ADAR: variants seen among roughly 807,000 people sequenced by gnomAD.
ADAR encodes double-stranded RNA-specific adenosine deaminase.
In ADAR, 41 loss-of-function variants were observed where a neutral mutation model predicts 113.2. The ratio of observed to expected loss-of-function variants is 0.36; its 90% CI spans 0.28 to 0.47. The LOEUF (loss-of-function observed/expected upper bound fraction) is 0.47, where lower values mean the gene tolerates loss of function less well. Ranked by LOEUF, ADAR falls within the 20% of genes least tolerant of loss-of-function variation. ADAR has a pLI of 1.00. For synonymous variants in ADAR, 605 were observed against 572.6 expected (o/e 1.06, Z -0.81); for missense variants, 1,242 against 1,540.9 (o/e 0.81, Z 3.25).
At chr1:154,592,104 G>C (rs1367152227) in intron 6 of ADAR, among the ~76,000 whole-genome samples, 1 of 152,152 alleles carries the variant, frequency 6.6e-6, no homozygotes, top group Non-Finnish European at 1.5e-5. Context: ...TATCCAATAT[G>C]GTAGCCACTA....
rs1046867712 is a variant in ADAR, at chr1:154,582,451, C to T, written c.*2355G>A. 2 of 132,952 alleles carry T rather than the reference C, an allele frequency of 1.5e-5. No homozygotes were observed. Among genetic ancestry groups the T allele is most frequent in the African/African-American group, 5.5e-5 (2 of 36,462 alleles). 8.2% of individuals were successfully genotyped at this position (132,952 alleles called of 1,614,324 possible). A position where few individuals can be genotyped will look rare whatever the true frequency, so the allele number is the denominator to read the frequency against. On this transcript the variant is annotated 3_prime_UTR_variant, in exon 15 of 15. Transcript: ENST00000368474. The stretch of plus-strand genomic sequence containing the variant: ...AAGATAACAGTGGGCAGAAGCTCTG[C>T]CTCCTCTGTCCTGTGTGACTCAGAG...
chr1:154,616,672 A>G (rs1007252925), intron 1 of ADAR, among the ~76,000 whole-genome samples: 1 of 152,056 alleles, frequency 6.6e-6, no homozygotes, highest in African/African-American at 2.4e-5. Context: ...CTCTTACTAC[A>G]AGTTCCAAGA....
chr1:154,616,889 C>T (rs922761640), intron 1 of ADAR, among the ~76,000 whole-genome samples: 8 of 152,212 alleles, frequency 5.3e-5, no homozygotes, highest in Non-Finnish European at 1.2e-4. Flanking sequence ...GTCTTCCTGA[C>T]CTGGCCCACT....
intron 7 of ADAR, 36 bp downstream of exon 7, chr1:154,590,148 C>CA (rs768431680): frequency 2.6e-5 from 24 of 909,958 alleles, no homozygotes; most frequent in Non-Finnish European, 3.8e-5. Flanking sequence ...AGGACCCCCC[C>CA]GCCCCAAAAA....
Position 154,601,621 on chromosome 1 carries a change from C to T in ADAR, c.1021G>A (p.Gly341Arg). Reference sequence around the variant, plus strand: ...GTTGTCCCTTGTCTATAGACATCCCCCTGCCTTTCCATGTCAATTAGCACA... The same window carrying T: ...GTTGTCCCTTGTCTATAGACATCCCTCTGCCTTTCCATGTCAATTAGCACA... ...NAVLIDMERQGDVYRQGTTPP... is the reference protein window; with the variant it reads ...NAVLIDMERQRDVYRQGTTPP... The change falls in exon 2 of 15, where the codon GGG becomes AGG. Residue 341 changes from glycine (G) to arginine (R), a missense_variant. This residue lies in a region of ADAR where 462 missense variants were observed against 483.1 expected (regional missense o/e 0.96). Transcript: ENST00000368474. The surrounding 1 kb of genome is among the most constrained non-coding windows in gnomAD (Gnocchi z 4.7). 2 of 1,613,432 alleles carry T rather than the reference C, an allele frequency of 1.2e-6. No homozygotes were observed. Among genetic ancestry groups the T allele is most frequent in the African/African-American group, 1.3e-5 (1 of 75,062 alleles).
rs1331500140 is a variant in ADAR, at chr1:154,602,235, T to G, written c.407A>C (p.Tyr136Ser). 6.2e-7 allele frequency: 1 copy of G among 1,614,098 alleles called. No individual in the cohort carries two copies. The highest frequency in any genetic ancestry group is 8.5e-7 in the Non-Finnish European group (1 of 1,180,046). ...TAAGATCCTTTGTTCCTGATCTTGG[T>G]AGATACTCAGTTCCTGGAAATGTGA... Reference protein sequence around the residue: ...LSSHFQELSIYQDQEQRILKF... With the variant: ...LSSHFQELSISQDQEQRILKF... The change falls in exon 2 of 15, where the codon TAC becomes TCC. Residue 136 changes from tyrosine (Y) to serine (S), a missense_variant. Tyr to Ser is a moderately radical substitution (Grantham distance 144, BLOSUM62 -2). Around this residue, in one of 2 missense-constraint regions of ADAR, gnomAD observed 462 missense variants for 483.1 expected, o/e 0.96. Coordinates refer to ENST00000368474, the MANE Select transcript of ADAR (RefSeq NM_001111.5).
chr1:154,589,559 G>T, intron 8 of ADAR, 97 bp from the exon 9 acceptor site: 1 of 1,276,682 alleles, frequency 7.8e-7, no homozygotes, highest in Non-Finnish European at 1.1e-6. Flanking sequence ...GGCAGAAACA[G>T]CCTCAGTTTC....
chr1:154,604,258 G>C (rs1410616500), intron 1 of ADAR, among the ~76,000 whole-genome samples: 3 of 152,220 alleles, frequency 2.0e-5, no homozygotes, highest in Non-Finnish European at 4.4e-5. Flanking sequence ...GCTCTTTTCT[G>C]ATGGTGACTT....
rs567807827 is a variant in ADAR, at chr1:154,608,054, T to C, written c.-48A>G. 169 of 1,546,388 alleles carry C rather than the reference T, an allele frequency of 1.1e-4. 1 individual carries two copies. The highest frequency in any genetic ancestry group is 2.5e-4 in the South Asian group (21 of 83,966). On this transcript the variant is annotated 5_prime_UTR_variant, in exon 1 of 15. Coordinates refer to ENST00000368474, the MANE Select transcript of ADAR (RefSeq NM_001111.5). Reference sequence around the variant, plus strand: ...GCCCGACCCGCCGGCGGCACGACCCTGGCCCGACCGCTGGGCCGCGCCAGC... The same window carrying C: ...GCCCGACCCGCCGGCGGCACGACCCCGGCCCGACCGCTGGGCCGCGCCAGC...
chr1:154,601,519 T>C lies in ADAR; in HGVS notation c.1123A>G (p.Thr375Ala). ...IKRNTNSVPE[T>A]APAAIPETKR... ...GTCTCAGGGATTGCAGCTGGAGCGG[T>C]TTCAGGAACACTGTTCGTATTTCTC... Residue 375 changes from threonine to alanine, a missense_variant, in exon 2 of 15, where the codon ACC (threonine) becomes GCC (alanine). By Grantham distance (58) the Thr-to-Ala change is moderately conservative. Coordinates refer to ENST00000368474, the MANE Select transcript of ADAR (RefSeq NM_001111.5). This position sits in a 1 kb window ranked among gnomAD's most constrained non-coding sequence, Gnocchi z 4.7. The C allele has an allele frequency of 1.2e-6, 2 of 1,613,798 alleles. No homozygotes were observed. Among genetic ancestry groups the C allele is most frequent in the Non-Finnish European group, 1.7e-6 (2 of 1,180,016 alleles).
intron 1 of ADAR, chr1:154,627,847 G>A (rs746645345): frequency 1.7e-5 from 9 of 517,380 alleles, no homozygotes; most frequent in South Asian, 2.8e-5. Flanking sequence ...AAGGACAGAG[G>A]CTCTTACCGG....
Position 154,602,034 on chromosome 1 carries a change from G to A in ADAR, c.608C>T (p.Ala203Val). The A allele has an allele frequency of 6.2e-7, 1 of 1,614,244 alleles. No homozygotes were observed. Among genetic ancestry groups the A allele is most frequent in the Non-Finnish European group, 8.5e-7 (1 of 1,180,042 alleles). The part of the protein sequence containing the change: ...PLWKIAVSTQ[A>V]WNQHSGVVRP... ...TACCACTCCGCTGTGCTGGTTCCAA[G>A]CCTGAGTGGAGACCGCGATTTTCCA... The change falls in exon 2 of 15, where the codon GCT becomes GTT. Residue 203 changes from alanine (A) to valine (V), a missense_variant. This residue lies in a region of ADAR where 462 missense variants were observed against 483.1 expected (regional missense o/e 0.96). Coordinates refer to ENST00000368474, the MANE Select transcript of ADAR (RefSeq NM_001111.5).
rs147968983 is a variant in ADAR at position 154,605,738 on chromosome 1, C to T, written c.15+2254G>A. 1.6e-3 allele frequency among the ~76,000 whole-genome samples: 247 copies of T among 152,284 alleles called. 5 individuals are homozygous for T. The East Asian group carries it at 0.042, about 26-fold the overall frequency. The stretch of plus-strand genomic sequence containing the variant: ...TCTTGTTCCTCTTGCTGCACCCTCA[C>T]GCCCACCATATTGCTAGGGACAGAG... On this transcript the variant is annotated intron_variant, in intron 1 of 14. Transcript: ENST00000368474.
chr1:154,585,207 G>A lies in ADAR; in HGVS notation c.3443+10C>T, dbSNP rs531922411. ...GGCTTGGTCCTCACTGCGCTCTCCT[G>A]TCTCCTTACCCATCCACAGTGCCTC... On this transcript the variant is annotated intron_variant, in intron 14 of 14. Coordinates refer to ENST00000368474, the MANE Select transcript of ADAR (RefSeq NM_001111.5). The A allele has an allele frequency of 6.2e-7, 1 of 1,614,120 alleles. No homozygotes were observed. The highest frequency in any genetic ancestry group is 1.1e-5 in the South Asian group (1 of 91,080).
At chr1:154,616,129 C>A (rs1698628050) in intron 1 of ADAR, among the ~76,000 whole-genome samples, 1 of 152,184 alleles carries the variant, frequency 6.6e-6, no homozygotes, top group African/African-American at 2.4e-5. Context: ...TTCAGCAATA[C>A]AGATAAGGTT....
In ADAR at chr1:154,601,232, T is replaced by C. The variant is rs17843864; in HGVS notation, c.1410A>G (p.Pro470=). Residue 470 remains proline (P), a synonymous_variant, in exon 2 of 15, where the codon CCA becomes CCG. Coordinates refer to ENST00000368474, the MANE Select transcript of ADAR (RefSeq NM_001111.5). This position sits in a 1 kb window ranked among gnomAD's most constrained non-coding sequence, Gnocchi z 4.7. ...PDDLNSIRAA[P]GEFRAIMEMP... ...TCTCCATGATGGCTCGAAACTCACCTGGTGCTGCGCGGATACTATTCAAGT... is the reference window on the plus strand; with the variant it reads ...TCTCCATGATGGCTCGAAACTCACCCGGTGCTGCGCGGATACTATTCAAGT... 20 of 1,614,238 alleles carry C rather than the reference T, an allele frequency of 1.2e-5. No individual in the cohort carries two copies. The East Asian group carries it at 4.5e-4, about 36-fold the overall frequency.
chr1:154,588,106 G>A lies in ADAR; in HGVS notation c.3019+19C>T, dbSNP rs765520247. The stretch of plus-strand genomic sequence containing the variant: ...GCAGAGCCTTTTGAGGAAAGGAGGC[G>A]GGGGCATGTATCACTCACCGTTCTC... On this transcript the variant is annotated intron_variant, in intron 11 of 14. Transcript: ENST00000368474. 6.4e-5 allele frequency: 103 copies of A among 1,612,824 alleles called. No individual in the cohort carries two copies. Among genetic ancestry groups the A allele is most frequent in the South Asian group, 9.9e-5 (9 of 91,018 alleles).
At chr1:154,621,708 G>T (rs1225406596) in intron 1 of ADAR, among the ~76,000 whole-genome samples, 2 of 152,144 alleles carry the variant, frequency 1.3e-5, no homozygotes, top group Admixed American at 1.3e-4. Context: ...CTCAGTTCTG[G>T]AGAGGAGGGT....
At position 154,595,529 on chromosome 1, in the gene ADAR, AG is replaced by A. The variant is rs1403582824; in HGVS notation, c.2270+1275del. Among the ~76,000 whole-genome samples the A allele has an allele frequency of 2.6e-5, 4 of 152,324 alleles. No individual in the cohort carries two copies. The East Asian group carries it at 7.7e-4, about 29-fold the overall frequency. On this transcript the variant is annotated intron_variant, in intron 6 of 14. Coordinates refer to ENST00000368474, the MANE Select transcript of ADAR (RefSeq NM_001111.5). ...TAAAAAAATAAAAAAATTTACAAAC[AG>A]AAAAAAGACTATAGAATTAAGGATA...
Sources: gnomAD v4.1 joint callset for allele counts (sites outside exome capture counted in the v4.1 genomes callset) on GRCh38, gnomAD v4.1.1 for gene constraint, gnomAD v4.1.1 regional missense constraint, Gnocchi (gnomAD v3.1) non-coding constraint, MANE v1.5 for transcripts, NCBI Gene and HGNC (gene_info 2026-07-23, HGNC 2026-07-21) for gene names.